PZP: variants seen among roughly 807,000 people sequenced by gnomAD.
PZP encodes the protein PZP alpha-2-macroglobulin like, also known as pregnancy zone protein.
A neutral mutation model predicts 179.8 loss-of-function variants in PZP; 150 were observed. The ratio of observed to expected loss-of-function variants is 0.83; its 90% CI spans 0.73 to 0.96. The LOEUF is 0.96. PZP is among the 40% of genes least tolerant of loss of function. The probability of loss-of-function intolerance (pLI) is 0.00; values close to 1 mark genes in which losing one functional copy is unlikely to be tolerated. For synonymous variants in PZP, 624 were observed against 652.3 expected, an observed-to-expected ratio of 0.96 and a Z score of 0.66; for missense variants, 1,689 against 1,764.0, an observed-to-expected ratio of 0.96 and a Z score of 0.76.
intron 13 of PZP, among the ~76,000 whole-genome samples, chr12:9,185,961 T>C (rs561202146): frequency 2.0e-5 from 3 of 151,612 alleles, no homozygotes; most frequent in East Asian, 1.9e-4. Flanking sequence ...GCGTGCACCA[T>C]CACACCTGGC....
At chr12:9,203,273 G>T (rs1944267858) in intron 2 of PZP, among the ~76,000 whole-genome samples, 1 of 148,294 alleles carries the variant, frequency 6.7e-6, no homozygotes, top group African/African-American at 2.5e-5. Flanking sequence ...GGTAAAAAAT[G>T]CTTTGTTCCT....
chr12:9,148,134 A>G (rs1565618366), downstream of PZP, among the ~76,000 whole-genome samples: 1 of 152,196 alleles, frequency 6.6e-6, no homozygotes, highest in Non-Finnish European at 1.5e-5. Context: ...AAAATTGTGT[A>G]TATTTACCAT....
At chr12:9,149,057 T>C (rs1940164454) in intron 35 of PZP, 63 bp from the exon 36 acceptor site, 3 of 1,466,540 alleles carry the variant, frequency 2.0e-6, no homozygotes, top group South Asian at 2.3e-5. Flanking sequence ...CAGTTGAGTG[T>C]GGGCAGCAGA....
At chr12:9,206,911 C>A (rs1944464161) in intron 1 of PZP, among the ~76,000 whole-genome samples, 1 of 152,160 alleles carries the variant, frequency 6.6e-6, no homozygotes, top group African/African-American at 2.4e-5. Context: ...TCCATTCAGT[C>A]TGCTCTCAGA....
chr12:9,145,297 CA>C (rs914531455), downstream of PZP, among the ~76,000 whole-genome samples: 5 of 151,498 alleles, frequency 3.3e-5, no homozygotes, highest in African/African-American at 1.2e-4. Flanking sequence ...TTTTGTGTAC[CA>C]ATATACTTTG....
intron 1 of PZP, among the ~76,000 whole-genome samples, chr12:9,208,045 C>T (rs1412284629): frequency 6.6e-6 from 1 of 151,996 alleles, no homozygotes; most frequent in Admixed American, 6.5e-5. Flanking sequence ...AGTGACTAAT[C>T]GTATTTATGA....
intron 28 of PZP, among the ~76,000 whole-genome samples, chr12:9,155,296 C>CT (rs993300267): frequency 5.9e-5 from 9 of 151,686 alleles, no homozygotes; most frequent in Middle Eastern, 3.4e-3. Flanking sequence ...TCTTTTCTTT[C>CT]TTTTTTTTTC....
chr12:9,200,938 T>C lies in PZP; in HGVS notation c.624A>G (p.Thr208=). ...IQGSYRVVVQ[T]ESGGRIQHPF... ...GGTGCTGTATCCTTCCACCTGATTC[T>C]GTCTGTACCACCACCCTGTAGGAGC... is the stretch of plus-strand genomic sequence containing the variant. The change falls in exon 6 of 36, where the codon ACA becomes ACG. Residue 208 remains threonine, a synonymous_variant. Coordinates refer to ENST00000261336, the MANE Select transcript of PZP (RefSeq NM_002864.3). 3.1e-6 allele frequency: 5 copies of C among 1,614,100 alleles called. No homozygotes were observed. Among genetic ancestry groups the C allele is most frequent in the Non-Finnish European group, 4.2e-6 (5 of 1,179,956 alleles).
intron 20 of PZP, 79 bp downstream of exon 20, chr12:9,164,054 G>A (rs2120719379): frequency 6.8e-7 from 1 of 1,475,884 alleles, no homozygotes; most frequent in Non-Finnish European, 9.2e-7. Context: ...GCAAATAAAA[G>A]AGAGAATATG....
rs756976363 is a variant in PZP, at chr12:9,197,119, T to C, written c.760A>G (p.Thr254Ala). The C allele has an allele frequency of 2.5e-6, 4 of 1,596,846 alleles. No individual in the cohort carries two copies. The highest frequency in any genetic ancestry group is 1.7e-5 in the Admixed American group (1 of 59,748). ...KVNITVCGEY[T>A]YGKPVPGLAT... ...AGTCCTGGGACAGGCTTCCCATAAG[T>C]GTATCTGGTACATGAGAAATAAATC... The change falls in exon 8 of 36, where the codon ACT becomes GCT. Residue 254 changes from threonine to alanine, a missense_variant. Physicochemically the swap from Thr to Ala is moderately conservative, Grantham distance 58. Transcript: ENST00000261336.
In PZP at chr12:9,202,526, T is replaced by C. The variant is rs1291573786; in HGVS notation, c.426A>G (p.Thr142=). 8 of 1,613,926 alleles carry C rather than the reference T, an allele frequency of 5.0e-6. No homozygotes were observed. Among genetic ancestry groups the C allele is most frequent in the Non-Finnish European group, 6.8e-6 (8 of 1,179,980 alleles). ...AAACAGTGGAATTTCCCTACTTACC[T>C]GTCTGTCCTGGTTTATACATGGGTT... The part of the protein sequence containing the change: ...TDKPMYKPGQ[T]VRFRVVSVDE... Residue 142 remains threonine (T), a splice_region_variant and synonymous_variant, in exon 3 of 36, where the codon ACA becomes ACG. Coordinates refer to ENST00000261336, the MANE Select transcript of PZP (RefSeq NM_002864.3).
chr12:9,157,051 G>T, intron 28 of PZP, 124 bp downstream of exon 28: 3 of 825,936 alleles, frequency 3.6e-6, no homozygotes, highest in Non-Finnish European at 5.4e-6. Flanking sequence ...GGTCCCCCAT[G>T]CATTAGCTAT....
chr12:9,157,078 C>T, intron 28 of PZP, 97 bp downstream of exon 28: 1 of 1,189,034 alleles, frequency 8.4e-7, no homozygotes. Context: ...TGATGCTCTC[C>T]CTCTCCGCAC....
At position 9,169,482 on chromosome 12, in the gene PZP, G is replaced by A; in HGVS notation, c.1949C>T (p.Ala650Val). ...ATTACTTGATAAGGGAACATAGATG[G>A]CTCCATTATGAATGAAGAAAGGACG... is the stretch of plus-strand genomic sequence containing the variant. ...CPRPFFIHNGAIYVPLSSNEA... is the reference protein window; with the variant it reads ...CPRPFFIHNGVIYVPLSSNEA... The change falls in exon 16 of 36, where the codon GCC becomes GTC. Residue 650 changes from alanine to valine, a missense_variant. By Grantham distance (64) the Ala-to-Val change is moderately conservative. Coordinates refer to ENST00000261336, the MANE Select transcript of PZP (RefSeq NM_002864.3). 2 of 1,612,172 alleles carry A rather than the reference G, an allele frequency of 1.2e-6. No individual in the cohort carries two copies. Among genetic ancestry groups the A allele is most frequent in the Non-Finnish European group, 1.7e-6 (2 of 1,178,698 alleles).
chr12:9,194,172 C>T lies in PZP; in HGVS notation c.1159G>A (p.Ala387Thr), dbSNP rs1205239830. The stretch of plus-strand genomic sequence containing the variant: ...GTGGTTGCATTGGAGTAATAATTGG[C>T]GTCATTCACAGAGATGAAGAAGAGT... The part of the protein sequence containing the change: ...NKLFFISVND[A>T]NYYSNATTNE... Residue 387 changes from alanine to threonine, a missense_variant, in exon 11 of 36, where the codon GCC becomes ACC. This residue lies in a region of PZP where 742 missense variants were observed against 730.5 expected (regional missense o/e 1.02). Transcript: ENST00000261336. 6.8e-6 allele frequency: 11 copies of T among 1,613,640 alleles called. No homozygotes were observed. The highest frequency in any genetic ancestry group is 6.8e-6 in the Non-Finnish European group (8 of 1,179,802).
intron 29 of PZP, among the ~76,000 whole-genome samples, chr12:9,154,037 G>C (rs1940558667): frequency 6.6e-6 from 1 of 152,224 alleles, no homozygotes; most frequent in South Asian, 2.1e-4. Context: ...CCTTGGAGTA[G>C]TTGAAATGGA....
At chr12:9,175,141 C>T (rs913278795) in intron 15 of PZP, among the ~76,000 whole-genome samples, 2 of 152,148 alleles carry the variant, frequency 1.3e-5, no homozygotes, top group African/African-American at 4.8e-5. Flanking sequence ...GAATAGAGAA[C>T]TCAGAGATAA....
At chr12:9,183,019 A>G (rs1264217057) in intron 13 of PZP, among the ~76,000 whole-genome samples, 1 of 152,206 alleles carries the variant, frequency 6.6e-6, no homozygotes, top group African/African-American at 2.4e-5. Flanking sequence ...GACAATACAT[A>G]GGATAACAGA....
chr12:9,184,090 T>C (rs531002957), intron 13 of PZP, among the ~76,000 whole-genome samples: 5 of 152,222 alleles, frequency 3.3e-5, no homozygotes, highest in African/African-American at 1.2e-4. Context: ...TGGCAAAGAA[T>C]AGTGGTAGGA....
Sources: allele counts gnomAD v4.1 joint callset (sites outside exome capture counted in the v4.1 genomes callset), GRCh38; gene constraint gnomAD v4.1.1; regional missense constraint gnomAD v4.1.1; transcripts MANE v1.5; gene names NCBI Gene and HGNC (gene_info 2026-07-23, HGNC 2026-07-21).